PIBF1: variants seen among roughly 807,000 people sequenced by gnomAD.
PIBF1 encodes the protein progesterone-induced-blocking factor 1.
PIBF1 carries 90 observed loss-of-function variants against 112.5 expected under a neutral mutation model. The observed-to-expected ratio is 0.80, with a 90% CI of 0.67 to 0.95. PIBF1 has a LOEUF of 0.95. PIBF1 is among the 40% of genes least tolerant of loss of function. PIBF1 has a pLI of 0.00. For synonymous variants in PIBF1, 301 were observed against 288.6 expected (o/e 1.04, Z -0.44); for missense variants, 915 against 852.3 (o/e 1.07, Z -0.92).
chr13:72,873,334 A>G (rs1233908510), intron 10 of PIBF1, among the ~76,000 whole-genome samples: 1 of 152,240 alleles, frequency 6.6e-6, no homozygotes, highest in Non-Finnish European at 1.5e-5. Context: ...GGAAAACCTT[A>G]GAAACCTTGA....
intron 11 of PIBF1, among the ~76,000 whole-genome samples, chr13:72,907,843 T>C (rs2040755085): frequency 6.6e-6 from 1 of 152,164 alleles, no homozygotes; most frequent in African/African-American, 2.4e-5. Flanking sequence ...ATCTCTTTTT[T>C]TAGTTAATTT....
intron 10 of PIBF1, among the ~76,000 whole-genome samples, chr13:72,854,753 G>A (rs1197062409): frequency 4.0e-5 from 6 of 150,434 alleles, no homozygotes; most frequent in Non-Finnish European, 8.9e-5. Flanking sequence ...GTAGATAAAT[G>A]TTTTACTTTT....
chr13:72,799,222 AT>A, intron 5 of PIBF1, among the ~76,000 whole-genome samples: 1 of 152,356 alleles, frequency 6.6e-6, no homozygotes, highest in East Asian at 1.9e-4. Context: ...TAAAAACATG[AT>A]TTTAGCAAAG....
chr13:72,937,757 G>A (rs1392280148), intron 14 of PIBF1, among the ~76,000 whole-genome samples: 4 of 152,124 alleles, frequency 2.6e-5, no homozygotes, highest in Non-Finnish European at 5.9e-5. Flanking sequence ...CGAGGTTGCA[G>A]TGAGCCGAGA....
chr13:72,995,371 A>G (rs1302184245), intron 16 of PIBF1, among the ~76,000 whole-genome samples: 3 of 152,192 alleles, frequency 2.0e-5, no homozygotes, highest in African/African-American at 7.2e-5. Flanking sequence ...ATCTCCAAGA[A>G]TACAGCCAGA....
At chr13:72,815,527 T>TAA (rs1358116945) in intron 5 of PIBF1, among the ~76,000 whole-genome samples, 4 of 152,210 alleles carry the variant, frequency 2.6e-5, no homozygotes, top group Non-Finnish European at 4.4e-5. Context: ...AAATAGCAAT[T>TAA]TTTATGATTA....
intron 15 of PIBF1, among the ~76,000 whole-genome samples, chr13:72,971,798 G>A (rs1040216440): frequency 6.6e-6 from 1 of 151,874 alleles, no homozygotes; most frequent in Non-Finnish European, 1.5e-5. Flanking sequence ...GGCACAGTTG[G>A]GAACAGAAGT....
At chr13:72,803,523 A>G (rs2035586884) in intron 5 of PIBF1, among the ~76,000 whole-genome samples, 2 of 152,246 alleles carry the variant, frequency 1.3e-5, no homozygotes, top group South Asian at 4.1e-4. Flanking sequence ...ATTTGGGGAA[A>G]CTACTAGAAC....
intron 14 of PIBF1, among the ~76,000 whole-genome samples, chr13:72,940,735 T>TC (rs2041988895): frequency 6.6e-6 from 1 of 152,206 alleles, no homozygotes; most frequent in Non-Finnish European, 1.5e-5. Context: ...GGCCAATTTC[T>TC]CCCCCATTAC....
intron 11 of PIBF1, among the ~76,000 whole-genome samples, chr13:72,895,840 C>T (rs2040261138): frequency 6.6e-6 from 1 of 152,186 alleles, no homozygotes; most frequent in South Asian, 2.1e-4. Flanking sequence ...CCGGAAGACA[C>T]CCCAAATACT....
chr13:72,845,422 A>G (rs536544939), intron 9 of PIBF1, among the ~76,000 whole-genome samples: 37 of 152,152 alleles, frequency 2.4e-4, no homozygotes, highest in Admixed American at 1.8e-3. Context: ...TGCCTTTGCT[A>G]CTATAAATAG....
At chr13:72,816,438 G>A (rs1335646585) in intron 5 of PIBF1, among the ~76,000 whole-genome samples, 1 of 152,082 alleles carries the variant, frequency 6.6e-6, no homozygotes, top group African/African-American at 2.4e-5. Flanking sequence ...TGAGGCGGGT[G>A]GATTCCTTGA....
intron 14 of PIBF1, among the ~76,000 whole-genome samples, chr13:72,949,725 G>A (rs2042248272): frequency 6.6e-6 from 1 of 152,164 alleles, no homozygotes; most frequent in Admixed American, 6.6e-5. Context: ...GTGTGTATCT[G>A]AAACAATATC....
chr13:73,011,417 G>A (rs1223971904), intron 17 of PIBF1, among the ~76,000 whole-genome samples: 1 of 149,908 alleles, frequency 6.7e-6, no homozygotes, highest in Non-Finnish European at 1.5e-5. Flanking sequence ...ATCCCCTTCC[G>A]TTTCCAGCAG....
chr13:72,886,314 A>G (rs2138525807), intron 10 of PIBF1, among the ~76,000 whole-genome samples: 1 of 152,098 alleles, frequency 6.6e-6, no homozygotes, highest in Admixed American at 6.5e-5. Flanking sequence ...GCTATGAAGC[A>G]CTAATATAAT....
intron 5 of PIBF1, among the ~76,000 whole-genome samples, chr13:72,809,588 G>GTT (rs1566298090): frequency 9.5e-6 from 1 of 105,648 alleles, no homozygotes; most frequent in African/African-American, 2.8e-5. Flanking sequence ...GTTTTTTTTT[G>GTT]GTTTTTTTTT....
intron 14 of PIBF1, among the ~76,000 whole-genome samples, chr13:72,958,927 A>G (rs1404665352): frequency 6.6e-6 from 1 of 152,110 alleles, no homozygotes; most frequent in Non-Finnish European, 1.5e-5. Context: ...CAACCCTGAG[A>G]AATTTTGATT....
chr13:72,887,633 A>G (rs1269379412), intron 10 of PIBF1, among the ~76,000 whole-genome samples: 1 of 152,026 alleles, frequency 6.6e-6, no homozygotes, highest in African/African-American at 2.4e-5. Context: ...TTTTATTTTT[A>G]AATTTCTCAT....
At chr13:72,901,596 A>G (rs1049793841) in intron 11 of PIBF1, among the ~76,000 whole-genome samples, 4 of 152,064 alleles carry the variant, frequency 2.6e-5, no homozygotes, top group Non-Finnish European at 4.4e-5. Flanking sequence ...GAGGCAGGAG[A>G]ATCACTGGAA....
Sources: allele counts gnomAD v4.1 joint callset (sites outside exome capture counted in the v4.1 genomes callset), GRCh38; gene constraint gnomAD v4.1.1; transcripts MANE v1.5; gene names NCBI Gene and HGNC (gene_info 2026-07-23, HGNC 2026-07-21).